Variants in DOCK3 observed in about 807,000 individuals in gnomAD.
The protein encoded by DOCK3 is dedicator of cytokinesis protein 3.
DOCK3 carries 60 observed loss-of-function variants against 265.6 expected under a neutral mutation model. That is an observed-to-expected ratio of 0.23 (90% confidence interval 0.18 to 0.28). The LOEUF (loss-of-function observed/expected upper bound fraction) is 0.28, where lower values mean the gene tolerates loss of function less well. Ranked by LOEUF, DOCK3 falls within the 10% of genes least tolerant of loss-of-function variation. DOCK3 has a pLI of 1.00. For synonymous variants in DOCK3, 881 were observed against 938.0 expected (o/e 0.94, Z 1.11); for missense variants, 1,981 against 2,594.3 (o/e 0.76, Z 5.14).
At chr3:51,380,781 G>A (rs2088566538) in intron 52 of DOCK3, among the ~76,000 whole-genome samples, 1 of 152,118 alleles carries the variant, frequency 6.6e-6, no homozygotes, top group Admixed American at 6.5e-5. Flanking sequence ...CAGAGCCACC[G>A]ACGGCAGCCT....
intron 2 of DOCK3, chr3:50,787,881 C>T: frequency 9.3e-7 from 1 of 1,069,736 alleles, no homozygotes; most frequent in Non-Finnish European, 1.4e-6. Flanking sequence ...CCCTTTTCCC[C>T]TTTAGGTACA....
At chr3:50,839,490 A>C (rs1301064212) in intron 2 of DOCK3, among the ~76,000 whole-genome samples, 2 of 152,086 alleles carry the variant, frequency 1.3e-5, no homozygotes, top group Non-Finnish European at 2.9e-5. Context: ...TTACATCTTC[A>C]TCAGCATTTG....
chr3:51,312,953 G>T, intron 31 of DOCK3, 51 bp downstream of exon 31: 1 of 1,508,488 alleles, frequency 6.6e-7, no homozygotes, highest in East Asian at 2.4e-5. Flanking sequence ...TAGCCAAATA[G>T]AAAGTAGCAA....
chr3:51,256,447 T>C (rs1433580818), intron 22 of DOCK3, among the ~76,000 whole-genome samples: 2 of 152,114 alleles, frequency 1.3e-5, no homozygotes, highest in South Asian at 2.1e-4. Context: ...ATTTTTGTAT[T>C]ATTTGTGGAG....
intron 22 of DOCK3, among the ~76,000 whole-genome samples, chr3:51,247,871 CTCT>C (rs1445037738): frequency 3.7e-4 from 56 of 152,296 alleles, no homozygotes; most frequent in African/African-American, 1.3e-3. Context: ...GGCCTCGGTT[CTCT>C]TCTTCTCAGA....
chr3:50,691,651 G>T (rs1409746999), intron 1 of DOCK3, among the ~76,000 whole-genome samples: 1 of 152,204 alleles, frequency 6.6e-6, no homozygotes, highest in African/African-American at 2.4e-5. Context: ...ACTGTTTTCT[G>T]TAGTGGCTGT....
intron 22 of DOCK3, among the ~76,000 whole-genome samples, chr3:51,249,637 C>T (rs1244500991): frequency 5.4e-4 from 18 of 33,570 alleles, no homozygotes; most frequent in Admixed American, 2.5e-3. Flanking sequence ...CCGTCCCGTC[C>T]GGGAGGGAGG....
At chr3:51,061,177 T>G (rs1421711533) in intron 5 of DOCK3, among the ~76,000 whole-genome samples, 1 of 152,084 alleles carries the variant, frequency 6.6e-6, no homozygotes, top group Non-Finnish European at 1.5e-5. Context: ...ATCTAGAACT[T>G]GAAATACCAT....
chr3:51,315,253 G>A, intron 32 of DOCK3, 125 bp downstream of exon 32: 1 of 1,223,082 alleles, frequency 8.2e-7, no homozygotes, highest in Non-Finnish European at 1.1e-6. Context: ...TTTGAATCCT[G>A]TTCAAGGGTT....
chr3:50,943,344 A>G (rs1347105104), intron 5 of DOCK3, among the ~76,000 whole-genome samples: 2 of 152,098 alleles, frequency 1.3e-5, no homozygotes, highest in Non-Finnish European at 2.9e-5. Context: ...TTCTCTAAAT[A>G]TTAAAGCTAT....
intron 5 of DOCK3, among the ~76,000 whole-genome samples, chr3:50,982,423 C>T (rs946119865): frequency 6.6e-6 from 1 of 152,110 alleles, no homozygotes; most frequent in African/African-American, 2.4e-5. Flanking sequence ...CCACTGCCAT[C>T]GTGCTGGCTG....
chr3:51,237,671 A>G (rs377748487), intron 21 of DOCK3, 81 bp downstream of exon 21: 13 of 1,248,266 alleles, frequency 1.0e-5, no homozygotes, highest in South Asian at 6.8e-5. Context: ...TGCAACCAGC[A>G]TTTAAAAAGT....
chr3:51,083,709 G>A (rs572784331), intron 7 of DOCK3, among the ~76,000 whole-genome samples: 99 of 152,232 alleles, frequency 6.5e-4, no homozygotes, highest in Non-Finnish European at 1.0e-3. Flanking sequence ...CTGGCCAAGC[G>A]CAGTGGCTCA....
rs751141370 is a variant in DOCK3, at chr3:51,277,712, G to A, written c.2781G>A (p.Ala927=). ...TGAGCAAATCGCACGCTCAGGAGGC[G>A]GTAAGAGGGCAGCGGTGCCCGCAGT... ...TIMSKSHAQE[A]VRGQRCPQCT... Residue 927 remains alanine, a synonymous_variant, in exon 26 of 53, where the codon GCG becomes GCA. Transcript: ENST00000266037. 13 of 1,611,546 alleles carry A rather than the reference G, an allele frequency of 8.1e-6. No individual in the cohort carries two copies. Among genetic ancestry groups the A allele is most frequent in the Middle Eastern group, 1.8e-4 (1 of 5,522 alleles).
Position 51,357,984 on chromosome 3 carries a change from A to G in DOCK3, c.4791A>G (p.Leu1597=). The G allele has an allele frequency of 6.2e-7, 1 of 1,614,022 alleles. No homozygotes were observed. Among genetic ancestry groups the G allele is most frequent in the Non-Finnish European group, 8.5e-7 (1 of 1,179,892 alleles). The change falls in exon 46 of 53, where the codon CTA becomes CTG. Residue 1597 remains leucine (L), a synonymous_variant. Coordinates refer to ENST00000266037, the MANE Select transcript of DOCK3 (RefSeq NM_004947.5). Reference sequence around the variant, plus strand: ...AGGTTCATGTCCTTGGAGTTGGGCTAGCAGTTCATGAGAAGTTTGTGCACC... The same window carrying G: ...AGGTTCATGTCCTTGGAGTTGGGCTGGCAGTTCATGAGAAGTTTGTGCACC... The part of the protein sequence containing the change: ...QEQVHVLGVG[L]AVHEKFVHPE...
chr3:51,133,731 C>CG (rs1343203905), intron 9 of DOCK3, among the ~76,000 whole-genome samples: 1 of 151,866 alleles, frequency 6.6e-6, no homozygotes, highest in Non-Finnish European at 1.5e-5. Flanking sequence ...AGAGAACAGG[C>CG]ATGGGAATGG....
chr3:51,219,628 G>A (rs187593849), intron 14 of DOCK3, among the ~76,000 whole-genome samples: 12 of 152,244 alleles, frequency 7.9e-5, no homozygotes, highest in Admixed American at 3.9e-4. Flanking sequence ...AAAAGGAATC[G>A]TGCTTACTCC....
chr3:50,865,840 C>T, intron 3 of DOCK3, among the ~76,000 whole-genome samples: 1 of 152,086 alleles, frequency 6.6e-6, no homozygotes, highest in Non-Finnish European at 1.5e-5. Context: ...TGGATATAAG[C>T]CATTTTAACT....
intron 3 of DOCK3, among the ~76,000 whole-genome samples, chr3:50,848,701 T>C (rs1263262921): frequency 6.6e-6 from 1 of 152,228 alleles, no homozygotes; most frequent in African/African-American, 2.4e-5. Context: ...TCTGATGTTT[T>C]ACCCTAGCTT....
Sources: gnomAD v4.1 joint callset for allele counts (sites outside exome capture counted in the v4.1 genomes callset) on GRCh38, gnomAD v4.1.1 for gene constraint, MANE v1.5 for transcripts, NCBI Gene and HGNC (gene_info 2026-07-23, HGNC 2026-07-21) for gene names.